Variants in VPS13B observed in about 807,000 individuals in gnomAD.
The protein encoded by VPS13B is vacuolar protein sorting 13 homolog B, also known as intermembrane lipid transfer protein VPS13B.
A neutral mutation model predicts 426.4 loss-of-function variants in VPS13B; 285 were observed. That is an observed-to-expected ratio of 0.67 (90% confidence interval 0.61 to 0.74). The LOEUF is 0.74. Ranked by LOEUF, VPS13B falls within the 30% of genes least tolerant of loss-of-function variation. The pLI is 0.00. For missense variants in VPS13B, 4,537 were observed against 4,782.6 expected, an observed-to-expected ratio of 0.95 and a Z score of 1.51; for synonymous variants, 1,676 against 1,676.4, an observed-to-expected ratio of 1.00 and a Z score of 0.01.
chr8:99,219,810 T>C (rs938461084), intron 17 of VPS13B, among the ~76,000 whole-genome samples: 2 of 152,200 alleles, frequency 1.3e-5, no homozygotes, highest in Non-Finnish European at 1.5e-5. Flanking sequence ...ATATGAGTTT[T>C]GGAGGGGACA....
chr8:99,437,792 G>A (rs556322634), intron 22 of VPS13B, among the ~76,000 whole-genome samples: 3 of 152,000 alleles, frequency 2.0e-5, no homozygotes, highest in Non-Finnish European at 2.9e-5. Context: ...TAAGTTCACC[G>A]GTTCTTTCCA....
intron 19 of VPS13B, among the ~76,000 whole-genome samples, chr8:99,327,522 A>G (rs2133145761): frequency 6.6e-6 from 1 of 152,268 alleles, no homozygotes; most frequent in Admixed American, 6.5e-5. Flanking sequence ...CACATAAGAT[A>G]TTATACAGGT....
chr8:99,122,068 C>T lies in VPS13B; in HGVS notation c.1206+623C>T, dbSNP rs114324950. ...TAGAGTTGGGGTTTTGCCATGTTGC[C>T]CAGGCTGGTCTCGCTCCTAGGCTCA... On this transcript the variant is annotated intron_variant, in intron 8 of 61. Coordinates refer to ENST00000357162, the MANE Select transcript of VPS13B (RefSeq NM_152564.5). Among the ~76,000 whole-genome samples, 821 of 151,028 alleles carry T rather than the reference C, an allele frequency of 5.4e-3. 7 individuals are homozygous for T. The highest frequency in any genetic ancestry group is 0.019 in the African/African-American group (787 of 41,122).
chr8:99,805,129 C>G (rs1813324144), intron 43 of VPS13B, among the ~76,000 whole-genome samples: 1 of 150,594 alleles, frequency 6.6e-6, no homozygotes, highest in South Asian at 2.1e-4. Flanking sequence ...TTTAAGAACT[C>G]TTAAAATTTC....
At chr8:99,136,939 C>T (rs551510768) in intron 12 of VPS13B, among the ~76,000 whole-genome samples, 187 bp downstream of exon 12, 1 of 152,236 alleles carries the variant, frequency 6.6e-6, no homozygotes, top group South Asian at 2.1e-4. Flanking sequence ...CAAATCCATT[C>T]TTTATACAGC....
At chr8:99,658,633 C>G (rs935181435) in intron 34 of VPS13B, among the ~76,000 whole-genome samples, 8 of 152,110 alleles carry the variant, frequency 5.3e-5, no homozygotes, top group Admixed American at 1.3e-4. Flanking sequence ...ACTTACCTGA[C>G]TTCTTATTTG....
intron 19 of VPS13B, among the ~76,000 whole-genome samples, chr8:99,280,474 G>C (rs1421668452): frequency 6.6e-6 from 1 of 152,110 alleles, no homozygotes; most frequent in Non-Finnish European, 1.5e-5. Context: ...TTTATCTCCA[G>C]GGCCTATCAT....
chr8:99,502,832 G>A lies in VPS13B; in HGVS notation c.4043-4G>A, dbSNP rs754828253. On this transcript the variant is annotated splice_polypyrimidine_tract_variant and splice_region_variant and intron_variant, in intron 26 of 61. Transcript: ENST00000357162. ...TTGATATTACTGCTTGTTTCTTATTGCAGAGGTTTGTATGGTCAGTGAACT... is the reference window on the plus strand; with the variant it reads ...TTGATATTACTGCTTGTTTCTTATTACAGAGGTTTGTATGGTCAGTGAACT... The A allele has an allele frequency of 3.1e-6, 5 of 1,597,388 alleles. No homozygotes were observed. In the South Asian group the frequency reaches 5.5e-5, roughly 18 times the overall value.
chr8:99,640,049 G>GAAGAAGAAGAAGAAGAAGA (rs1299280170), intron 33 of VPS13B, among the ~76,000 whole-genome samples: 2 of 99,726 alleles, frequency 2.0e-5, no homozygotes, highest in African/African-American at 8.3e-5. Flanking sequence ...AGAAGAAGAA[G>GAAGAAGAAGAAGAAGAAGA]AGAAAAGAAA....
chr8:99,528,635 T>G (rs1440443073), intron 30 of VPS13B, among the ~76,000 whole-genome samples: 2 of 152,130 alleles, frequency 1.3e-5, no homozygotes, highest in Non-Finnish European at 2.9e-5. Context: ...CACCCTAAAC[T>G]TTTTTCATGG....
In VPS13B at chr8:99,859,493, G is replaced by C. The variant is rs116819080; in HGVS notation, c.11044+13G>C. ...CACATCTCCAAAGGTAGCGGGTTCC[G>C]TTCCTTGTAATAATGCCTTCACTCC... is the stretch of plus-strand genomic sequence containing the variant. On this transcript the variant is annotated intron_variant, in intron 57 of 61. Coordinates refer to ENST00000357162, the MANE Select transcript of VPS13B (RefSeq NM_152564.5). 1 of 1,611,668 alleles carries C rather than the reference G, an allele frequency of 6.2e-7. No individual in the cohort carries two copies. Among genetic ancestry groups the C allele is most frequent in the Non-Finnish European group, 8.5e-7 (1 of 1,179,708 alleles).
At chr8:99,680,301 A>G (rs932750317) in intron 35 of VPS13B, among the ~76,000 whole-genome samples, 3 of 152,228 alleles carry the variant, frequency 2.0e-5, no homozygotes, top group Non-Finnish European at 4.4e-5. Flanking sequence ...AAACTTTTCC[A>G]GTTGATGTTT....
intron 30 of VPS13B, among the ~76,000 whole-genome samples, chr8:99,531,680 A>G (rs1822944749): frequency 6.6e-6 from 1 of 152,088 alleles, no homozygotes; most frequent in African/African-American, 2.4e-5. Flanking sequence ...AAATTATAGC[A>G]AAGTTGACTA....
Position 99,642,777 on chromosome 8 carries a change from G to A in VPS13B, c.5908+279G>A, listed in dbSNP as rs16897528. Among the ~76,000 whole-genome samples the A allele has an allele frequency of 0.14, 20,689 of 152,164 alleles. 1,959 individuals are homozygous for A. Among genetic ancestry groups the A allele is most frequent in the East Asian group, 0.39 (1,991 of 5,158 alleles). On this transcript the variant is annotated intron_variant, in intron 34 of 61. Transcript: ENST00000357162. ...TTCTTGACTATAGAGATGCTTAACA[G>A]TTTCCAGTGTTTGGAAAGCATAGCT... is the stretch of plus-strand genomic sequence containing the variant.
chr8:99,832,785 G>C, intron 52 of VPS13B, 133 bp downstream of exon 52: 1 of 899,922 alleles, frequency 1.1e-6, no homozygotes, highest in Non-Finnish European at 1.7e-6. Flanking sequence ...ATTACTTCTA[G>C]ACATTGTATA....
intron 19 of VPS13B, among the ~76,000 whole-genome samples, chr8:99,335,607 A>G (rs541664885): frequency 6.6e-6 from 1 of 152,286 alleles, no homozygotes; most frequent in East Asian, 1.9e-4. Flanking sequence ...TTGGATATCT[A>G]GAAAACCCCA....
At chr8:99,257,357 G>A (rs982771701) in intron 17 of VPS13B, among the ~76,000 whole-genome samples, 5 of 152,144 alleles carry the variant, frequency 3.3e-5, no homozygotes, top group African/African-American at 1.2e-4. Flanking sequence ...TAGCTTGTTG[G>A]AGTCTCGATT....
At chr8:99,066,262 C>G (rs1844503450) in intron 3 of VPS13B, among the ~76,000 whole-genome samples, 3 of 152,236 alleles carry the variant, frequency 2.0e-5, no homozygotes, top group African/African-American at 7.2e-5. Flanking sequence ...TCCTACAAGG[C>G]TACAGTAACC....
intron 3 of VPS13B, among the ~76,000 whole-genome samples, chr8:99,067,914 A>G (rs529353211): frequency 1.5e-4 from 23 of 152,184 alleles, no homozygotes; most frequent in African/African-American, 5.5e-4. Flanking sequence ...ATTATAAGAT[A>G]TTTCCTGTTT....
Sources: gnomAD v4.1 joint callset for allele counts (sites outside exome capture counted in the v4.1 genomes callset) on GRCh38, gnomAD v4.1.1 for gene constraint, MANE v1.5 for transcripts, NCBI Gene and HGNC (gene_info 2026-07-23, HGNC 2026-07-21) for gene names.